Variants in SNTG1 observed in about 807,000 individuals in gnomAD.
The protein encoded by SNTG1 is syntrophin gamma 1.
SNTG1 carries 39 observed loss-of-function variants against 74.7 expected under a neutral mutation model. That is an observed-to-expected ratio of 0.52 (90% confidence interval 0.40 to 0.68). SNTG1 has a LOEUF of 0.68. SNTG1 is among the 30% of genes least tolerant of loss of function. The pLI is 0.00. For missense variants in SNTG1, 685 were observed against 609.5 expected, an observed-to-expected ratio of 1.12 and a Z score of -1.30; for synonymous variants, 254 against 217.1, an observed-to-expected ratio of 1.17 and a Z score of -1.49.
intron 15 of SNTG1, among the ~76,000 whole-genome samples, chr8:50,688,204 G>A (rs998194601): frequency 1.3e-5 from 2 of 152,018 alleles, no homozygotes; most frequent in Non-Finnish European, 2.9e-5. Flanking sequence ...CATTCTCTAG[G>A]TTGCCTGTTC....
intron 13 of SNTG1, among the ~76,000 whole-genome samples, chr8:50,625,381 G>A (rs561655819): frequency 6.6e-6 from 1 of 152,320 alleles, no homozygotes; most frequent in South Asian, 2.1e-4. Context: ...TGTGAAGGAT[G>A]CTGTCAGCAG....
At chr8:50,230,671 C>T (rs545126316) in intron 2 of SNTG1, among the ~76,000 whole-genome samples, 3 of 151,242 alleles carry the variant, frequency 2.0e-5, no homozygotes, top group South Asian at 2.1e-4. Flanking sequence ...CTTTAATAAA[C>T]GTTGTAGAGA....
Position 50,779,134 on chromosome 8 carries a change from T to C in SNTG1, c.1396-13537T>C, listed in dbSNP as rs190616241. Among the ~76,000 whole-genome samples, 212 of 152,258 alleles carry C rather than the reference T, an allele frequency of 1.4e-3. 2 individuals carry two copies. Among genetic ancestry groups the C allele is most frequent in the African/African-American group, 3.9e-3 (163 of 41,548 alleles). Reference sequence around the variant, plus strand: ...TGTAGTATAGTTTGAAGTCAGGTAGTGTGATGCCTCCAGCTCTGTTCTTTT... The same window carrying C: ...TGTAGTATAGTTTGAAGTCAGGTAGCGTGATGCCTCCAGCTCTGTTCTTTT... On this transcript the variant is annotated intron_variant, in intron 18 of 18. Transcript: ENST00000642720.
chr8:50,376,590 C>G (rs949912596), intron 2 of SNTG1, among the ~76,000 whole-genome samples: 2 of 151,656 alleles, frequency 1.3e-5, no homozygotes, highest in Non-Finnish European at 2.9e-5. Flanking sequence ...CTGACACTTA[C>G]CATACTGTGT....
At chr8:50,190,794 G>A (rs1318531936) in intron 2 of SNTG1, among the ~76,000 whole-genome samples, 5 of 152,194 alleles carry the variant, frequency 3.3e-5, no homozygotes, top group Non-Finnish European at 2.9e-5. Flanking sequence ...GTCATTTGGG[G>A]GTGGATAGTG....
Position 50,407,444 on chromosome 8 carries a change from G to A in SNTG1, c.162+5100G>A, listed in dbSNP as rs192273866. ...TGCTATCAGGCAGTTTACTCATGAG[G>A]GAGAAAAATGAAGCTCCACTCTGCT... On this transcript the variant is annotated intron_variant, in intron 4 of 18. Transcript: ENST00000642720. 1.3e-3 allele frequency among the ~76,000 whole-genome samples: 197 copies of A among 152,222 alleles called. 2 individuals carry two copies. The highest frequency in any genetic ancestry group is 4.4e-3 in the African/African-American group (183 of 41,542).
intron 2 of SNTG1, among the ~76,000 whole-genome samples, chr8:50,341,451 A>T (rs2091315288): frequency 1.3e-5 from 2 of 151,944 alleles, no homozygotes; most frequent in South Asian, 4.1e-4. Flanking sequence ...ATATGATAAT[A>T]TTTATTAATT....
chr8:50,703,421 G>T (rs2095432998), intron 15 of SNTG1, among the ~76,000 whole-genome samples: 1 of 151,968 alleles, frequency 6.6e-6, no homozygotes, highest in East Asian at 1.9e-4. Flanking sequence ...TGTCCCACTG[G>T]AAGGTCTTCA....
At chr8:50,683,409 G>T (rs1168100818) in intron 15 of SNTG1, among the ~76,000 whole-genome samples, 2 of 152,118 alleles carry the variant, frequency 1.3e-5, no homozygotes, top group African/African-American at 4.8e-5. Context: ...TTCTTTAGAA[G>T]AGGACTCAGA....
chr8:50,620,619 C>A, intron 13 of SNTG1, among the ~76,000 whole-genome samples: 1 of 152,132 alleles, frequency 6.6e-6, no homozygotes, highest in East Asian at 1.9e-4. Flanking sequence ...TGCACTTCCA[C>A]GTTATCATCT....
At chr8:50,253,866 G>A (rs960074679) in intron 2 of SNTG1, among the ~76,000 whole-genome samples, 3 of 145,496 alleles carry the variant, frequency 2.1e-5, no homozygotes, top group African/African-American at 5.6e-5. Context: ...AAAAAAAAAA[G>A]TTCATCTCAT....
chr8:50,405,689 T>C (rs1028180374), intron 4 of SNTG1, among the ~76,000 whole-genome samples: 1 of 152,108 alleles, frequency 6.6e-6, no homozygotes, highest in Admixed American at 6.6e-5. Flanking sequence ...GTCGTACCTT[T>C]TATACCATCT....
chr8:50,284,798 TA>T (rs1428789121), intron 2 of SNTG1, among the ~76,000 whole-genome samples: 2 of 152,144 alleles, frequency 1.3e-5, no homozygotes, highest in Non-Finnish European at 2.9e-5. Context: ...ATTACATATA[TA>T]CTTATTTATA....
chr8:50,779,912 AG>A (rs145776513), intron 18 of SNTG1, among the ~76,000 whole-genome samples: 51,989 of 151,118 alleles, frequency 0.34, 9,095 homozygotes, highest in Middle Eastern at 0.45. Flanking sequence ...TTTAGCATGA[AG>A]GGTTGTTGAA....
chr8:50,781,820 C>T (rs1392393939), intron 18 of SNTG1, among the ~76,000 whole-genome samples: 1 of 152,140 alleles, frequency 6.6e-6, no homozygotes, highest in Non-Finnish European at 1.5e-5. Flanking sequence ...TACAATTTGG[C>T]ATGATTTTGC....
At chr8:50,546,423 G>A (rs779891053) in intron 11 of SNTG1, among the ~76,000 whole-genome samples, 1 of 152,018 alleles carries the variant, frequency 6.6e-6, no homozygotes, top group Non-Finnish European at 1.5e-5. Flanking sequence ...GGGTACACGT[G>A]CACAACGTGC....
chr8:50,440,748 A>G (rs1054564456), intron 5 of SNTG1, among the ~76,000 whole-genome samples: 1 of 152,176 alleles, frequency 6.6e-6, no homozygotes, highest in African/African-American at 2.4e-5. Flanking sequence ...TAAAACCTTT[A>G]TGGTCTTGAC....
intron 1 of SNTG1, among the ~76,000 whole-genome samples, chr8:50,161,337 T>C (rs1050677476): frequency 3.3e-5 from 5 of 152,158 alleles, no homozygotes; most frequent in African/African-American, 1.2e-4. Flanking sequence ...TTAAGGAAAG[T>C]ACACAGTTGG....
intron 2 of SNTG1, among the ~76,000 whole-genome samples, chr8:50,324,058 G>T (rs975540274): frequency 5.9e-5 from 9 of 152,112 alleles, no homozygotes; most frequent in Non-Finnish European, 1.3e-4. Context: ...TGCAGTCTTT[G>T]TATCCTATAC....
Sources: allele counts gnomAD v4.1 joint callset (sites outside exome capture counted in the v4.1 genomes callset), GRCh38; gene constraint gnomAD v4.1.1; transcripts MANE v1.5; gene names NCBI Gene and HGNC (gene_info 2026-07-23, HGNC 2026-07-21).